FMN1: variants seen among roughly 807,000 people sequenced by gnomAD.
FMN1 encodes formin-1.
Under a neutral mutation model 132.4 loss-of-function variants are expected in FMN1, and 110 were observed. The ratio of observed to expected loss-of-function variants is 0.83; its 90% CI spans 0.71 to 0.97. The LOEUF (loss-of-function observed/expected upper bound fraction) is 0.97. Ranked by LOEUF, FMN1 falls within the 50% of genes least tolerant of loss-of-function variation. The pLI is 0.00. For missense variants in FMN1, 1,792 were observed against 1,705.3 expected, an observed-to-expected ratio of 1.05 and a Z score of -0.90; for synonymous variants, 722 against 651.7, an observed-to-expected ratio of 1.11 and a Z score of -1.64.
intron 12 of FMN1, among the ~76,000 whole-genome samples, chr15:32,904,643 CA>C (rs1171889881): frequency 6.6e-6 from 1 of 152,052 alleles, no homozygotes; most frequent in Non-Finnish European, 1.5e-5. Flanking sequence ...GTGAAGAGTC[CA>C]GGATGACTTT....
intron 6 of FMN1, among the ~76,000 whole-genome samples, chr15:33,054,729 C>T (rs1205418084): frequency 6.6e-6 from 1 of 152,204 alleles, no homozygotes; most frequent in Non-Finnish European, 1.5e-5. Flanking sequence ...TAAAGCCAAT[C>T]ACAGCTTCCG....
chr15:33,030,325 C>T (rs977458266), intron 6 of FMN1, among the ~76,000 whole-genome samples: 5 of 152,134 alleles, frequency 3.3e-5, no homozygotes, highest in African/African-American at 1.2e-4. Flanking sequence ...AAAATAGAGA[C>T]CAGAGACCTG....
chr15:33,145,237 T>G (rs1964170622), intron 4 of FMN1, among the ~76,000 whole-genome samples: 1 of 152,002 alleles, frequency 6.6e-6, no homozygotes, highest in Admixed American at 6.6e-5. Flanking sequence ...TAGTCAAAGG[T>G]GCCAGATGTG....
intron 5 of FMN1, among the ~76,000 whole-genome samples, chr15:33,085,055 G>A (rs1433899150): frequency 6.6e-6 from 1 of 152,174 alleles, no homozygotes; most frequent in African/African-American, 2.4e-5. Flanking sequence ...CCAGAGGAAA[G>A]GGGTTTTTGT....
chr15:33,124,253 AG>A lies in FMN1; in HGVS notation c.1867+28794del, dbSNP rs549129999. Among the ~76,000 whole-genome samples, 575 of 146,660 alleles carry A rather than the reference AG, an allele frequency of 3.9e-3. 1 individual carries two copies. The highest frequency in any genetic ancestry group is 0.016 in the South Asian group (78 of 4,790). ...CAAAAAGGAAACAGATGTTATGTGG[AG>A]GAAAAAAACACATTGACATTCACTG... On this transcript the variant is annotated intron_variant, in intron 4 of 20. Coordinates refer to ENST00000616417, the MANE Select transcript of FMN1 (RefSeq NM_001277313.2).
At chr15:32,832,618 A>C (rs760503951) in intron 17 of FMN1, among the ~76,000 whole-genome samples, 11 of 152,124 alleles carry the variant, frequency 7.2e-5, no homozygotes, top group Non-Finnish European at 1.2e-4. Context: ...TCTCTACTAA[A>C]ATACAAAAAA....
intron 6 of FMN1, among the ~76,000 whole-genome samples, chr15:33,038,504 C>A (rs2036284598): frequency 1.3e-5 from 2 of 152,116 alleles, no homozygotes; most frequent in Non-Finnish European, 2.9e-5. Context: ...CTGTGGGATG[C>A]AAATAGTAAA....
At chr15:32,894,217 G>T (rs1423473253) in intron 15 of FMN1, among the ~76,000 whole-genome samples, 1 of 152,190 alleles carries the variant, frequency 6.6e-6, no homozygotes, top group African/African-American at 2.4e-5. Flanking sequence ...AGGTATGGTG[G>T]CTCATGCCTG....
At chr15:33,109,721 A>C (rs537476242) in intron 4 of FMN1, among the ~76,000 whole-genome samples, 1 of 152,094 alleles carries the variant, frequency 6.6e-6, no homozygotes, top group African/African-American at 2.4e-5. Flanking sequence ...AGAAACAGAA[A>C]CAATATTCGA....
At chr15:33,028,095 T>C (rs2035764432) in intron 6 of FMN1, among the ~76,000 whole-genome samples, 1 of 152,184 alleles carries the variant, frequency 6.6e-6, no homozygotes, top group African/African-American at 2.4e-5. Context: ...TGACTACATA[T>C]TACAATCACC....
rs553585386 is a variant in FMN1, at chr15:32,805,645, A to T, written c.3929-1313T>A. Among the ~76,000 whole-genome samples, 12 of 152,346 alleles carry T rather than the reference A, an allele frequency of 7.9e-5. No homozygotes were observed. In the South Asian group the frequency reaches 2.5e-3, roughly 32 times the overall value. On this transcript the variant is annotated intron_variant, in intron 17 of 20. Transcript: ENST00000616417. ...GGATACTTTTGAGAGTAATGTTAAT[A>T]ATTACACCTAGGCAAAGACATAAAT...
At chr15:33,033,092 A>G (rs955214696) in intron 6 of FMN1, among the ~76,000 whole-genome samples, 13 of 151,906 alleles carry the variant, frequency 8.6e-5, no homozygotes, top group African/African-American at 9.7e-5. Context: ...GTGCAGTGGT[A>G]CGATCTCGGC....
At position 33,038,041 on chromosome 15, in the gene FMN1, G is replaced by C. The variant is rs141786806; in HGVS notation, c.2161+26916C>G. ...AGTTTGAGGCCAGCCTGGCCAACAC[G>C]GTAAAACCCCATCTCTACTAAAAAT... On this transcript the variant is annotated intron_variant, in intron 6 of 20. Coordinates refer to ENST00000616417, the MANE Select transcript of FMN1 (RefSeq NM_001277313.2). Among the ~76,000 whole-genome samples, 657 of 152,234 alleles carry C rather than the reference G, an allele frequency of 4.3e-3. 6 individuals are homozygous for C. Among genetic ancestry groups the C allele is most frequent in the African/African-American group, 0.015 (635 of 41,546 alleles).
chr15:33,059,552 T>C (rs1387634542), intron 6 of FMN1, among the ~76,000 whole-genome samples: 2 of 152,202 alleles, frequency 1.3e-5, no homozygotes, highest in Non-Finnish European at 2.9e-5. Flanking sequence ...GTTGGATCTT[T>C]AGATACTGGT....
intron 17 of FMN1, among the ~76,000 whole-genome samples, chr15:32,841,396 T>G (rs1258775): frequency 0.16 from 24,529 of 152,192 alleles, 2,620 homozygotes; most frequent in East Asian, 0.44. Flanking sequence ...CTCATGAACT[T>G]TAATATAAAT....
intron 5 of FMN1, among the ~76,000 whole-genome samples, chr15:33,087,898 C>T (rs558945350): frequency 2.6e-5 from 4 of 152,056 alleles, no homozygotes; most frequent in East Asian, 3.9e-4. Flanking sequence ...AATGAAATAA[C>T]GCCATTTGCA....
At position 32,777,515 on chromosome 15, in the gene FMN1, T is replaced by G. The variant is rs2056467022; in HGVS notation, c.4131-596A>C. On this transcript the variant is annotated intron_variant, in intron 19 of 20. Coordinates refer to ENST00000616417, the MANE Select transcript of FMN1 (RefSeq NM_001277313.2). The stretch of plus-strand genomic sequence containing the variant: ...ATATTACGTATAACATATAACACAT[T>G]TATATATTACGTATAACATAACATT... 1.5e-5 allele frequency among the ~76,000 whole-genome samples: 2 copies of G among 129,734 alleles called. 1 individual carries two copies. Among genetic ancestry groups the G allele is most frequent in the Non-Finnish European group, 3.3e-5 (2 of 61,118 alleles). The allele number at this position is 129,734 out of a possible 152,430, so 85.1% of individuals were successfully genotyped here.
chr15:32,839,803 A>G (rs2058706398), intron 17 of FMN1, among the ~76,000 whole-genome samples: 2 of 151,974 alleles, frequency 1.3e-5, no homozygotes, highest in Admixed American at 6.5e-5. Context: ...GCTCACAGGT[A>G]TGGTGCTAAT....
intron 7 of FMN1, among the ~76,000 whole-genome samples, chr15:32,999,727 A>G (rs2033984732): frequency 6.6e-6 from 1 of 152,202 alleles, no homozygotes; most frequent in African/African-American, 2.4e-5. Flanking sequence ...CCACAACCCA[A>G]AGAACATTAG....
Sources: allele counts gnomAD v4.1 joint callset (sites outside exome capture counted in the v4.1 genomes callset), GRCh38; gene constraint gnomAD v4.1.1; transcripts MANE v1.5; gene names NCBI Gene and HGNC (gene_info 2026-07-23, HGNC 2026-07-21).